The following ILDR1 variants were observed in gnomAD, a reference collection of about 807,000 sequenced individuals.
ILDR1 encodes the protein immunoglobulin like domain containing receptor 1.
Under a neutral mutation model 62.4 loss-of-function variants are expected in ILDR1, and 56 were observed. That is an observed-to-expected ratio of 0.90 (90% CI 0.72 to 1.12). The LOEUF is 1.12. Ranked by LOEUF, ILDR1 falls within the 50% of genes most tolerant of loss-of-function variation. The pLI, the probability that ILDR1 is intolerant of heterozygous loss-of-function variation, is 0.00. For synonymous variants in ILDR1, 284 were observed against 277.8 expected, an observed-to-expected ratio of 1.02 and a Z score of -0.22; for missense variants, 736 against 710.6, an observed-to-expected ratio of 1.04 and a Z score of -0.41.
chr3:122,042,171 G>GT, the ILDR1 span, among the ~76,000 whole-genome samples: 2 of 85,956 alleles, frequency 2.3e-5, no homozygotes, highest in Non-Finnish European at 4.5e-5. Context: ...GCGGTGTTTG[G>GT]TTTTTTGTTC....
the ILDR1 span, among the ~76,000 whole-genome samples, chr3:122,030,997 C>T: frequency 1.7e-4 from 26 of 152,342 alleles, no homozygotes; most frequent in African/African-American, 5.8e-4. Context: ...TCTATCTCAG[C>T]TTCTCTTTGC....
At chr3:122,017,322 TACAGGCGTGAGCC>T (rs887661005) in intron 1 of ILDR1, among the ~76,000 whole-genome samples, 4 of 151,926 alleles carry the variant, frequency 2.6e-5, no homozygotes, top group African/African-American at 9.7e-5. Flanking sequence ...GTGTTAGGAT[TACAGGCGTGAGCC>T]ACCGTGCCCG....
Position 122,005,333 on chromosome 3 carries a change from C to T in ILDR1, c.290G>A (p.Arg97Gln), listed in dbSNP as rs771818841. 1.2e-6 allele frequency: 2 copies of T among 1,614,110 alleles called. No homozygotes were observed. Among genetic ancestry groups the T allele is most frequent in the South Asian group, 2.2e-5 (2 of 91,078 alleles). ...CCGCTGGGCCACTATGCGAACTTCC[C>T]GCTGGTTGTCGTTGCAGTCATTGGA... ...DPSNDCNDNQ[R>Q]EVRIVAQRRG... Residue 97 changes from arginine to glutamine, a missense_variant, in exon 3 of 8, where the codon CGG (arginine) becomes CAG (glutamine). Transcript: ENST00000344209.
At chr3:122,044,558 TG>T in the ILDR1 span, among the ~76,000 whole-genome samples, 2 of 151,288 alleles carry the variant, frequency 1.3e-5, no homozygotes, top group African/African-American at 4.9e-5. Context: ...GGACTCTTTT[TG>T]GTTGGTAAAC....
At chr3:122,006,842 C>T in intron 2 of ILDR1, 149 bp downstream of exon 2, 4 of 791,224 alleles carry the variant, frequency 5.1e-6, no homozygotes, top group Non-Finnish European at 8.1e-6. Context: ...GTTTGTTTAT[C>T]TATAAAACAG....
chr3:122,055,579 G>C, the ILDR1 span: 1 of 1,312,796 alleles, frequency 7.6e-7, no homozygotes, highest in Non-Finnish European at 1.1e-6. Flanking sequence ...TGAAGATGGT[G>C]CTTTGATGTG....
the ILDR1 span, among the ~76,000 whole-genome samples, chr3:122,032,688 A>G: frequency 6.6e-6 from 1 of 152,232 alleles, no homozygotes; most frequent in Non-Finnish European, 1.5e-5. Flanking sequence ...AAAAGGTACT[A>G]TAGCTTCTTC....
rs993329383 is a variant in ILDR1, at chr3:121,988,391, A to G, written c.1617T>C (p.His539=). Residue 539 remains histidine (H), a synonymous_variant, in exon 8 of 8, where the codon CAT becomes CAC. Coordinates refer to ENST00000344209, the MANE Select transcript of ILDR1 (RefSeq NM_001199799.2). The stretch of plus-strand genomic sequence containing the variant: ...ACTAAATGACCACACTCCTTCCACT[A>G]TGAGAGCTGTCTTTCTCCTGGGAAA... ...VERRSEKDSS[H]SGRSVVI The G allele has an allele frequency of 1.2e-6, 2 of 1,613,810 alleles. No individual in the cohort carries two copies. The highest frequency in any genetic ancestry group is 1.7e-5 in the Admixed American group (1 of 60,006).
At chr3:122,000,085 T>A (rs777912178) in intron 5 of ILDR1, among the ~76,000 whole-genome samples, 2 of 151,892 alleles carry the variant, frequency 1.3e-5, no homozygotes, top group Non-Finnish European at 2.9e-5. Flanking sequence ...CTGTGACTTA[T>A]GTTTTTTCCC....
the ILDR1 span, among the ~76,000 whole-genome samples, chr3:122,038,205 C>T: frequency 2.6e-5 from 4 of 152,198 alleles, no homozygotes; most frequent in Admixed American, 2.0e-4. Context: ...ATCATAACCA[C>T]TCTAATAAAC....
chr3:122,048,562 T>A, the ILDR1 span, among the ~76,000 whole-genome samples: 4 of 152,230 alleles, frequency 2.6e-5, no homozygotes, highest in African/African-American at 7.2e-5. Flanking sequence ...CTTGAGCTTT[T>A]CTTTAATGGG....
chr3:122,053,737 TATG>T, the ILDR1 span, among the ~76,000 whole-genome samples: 1 of 152,204 alleles, frequency 6.6e-6, no homozygotes, highest in Non-Finnish European at 1.5e-5. Context: ...CTAAAAAGTT[TATG>T]ATAACAGGAG....
At chr3:122,011,654 TTCTCTCTCTCTC>T (rs142396206) in intron 1 of ILDR1, among the ~76,000 whole-genome samples, 2 of 67,630 alleles carry the variant, frequency 3.0e-5, no homozygotes, top group Admixed American at 3.0e-4. Context: ...CTGTCTCTCT[TTCTCTCTCTCTC>T]TCTCTCTCTT....
Position 122,005,323 on chromosome 3 carries a change from G to A in ILDR1, c.300C>T (p.Arg100=), listed in dbSNP as rs2071590861. The change falls in exon 3 of 8, where the codon CGC becomes CGT. Residue 100 remains arginine (R), a synonymous_variant. Transcript: ENST00000344209. ...NDCNDNQREV[R]IVAQRRGQNE... The stretch of plus-strand genomic sequence containing the variant: ...TCTGCCCCCGCCGCTGGGCCACTAT[G>A]CGAACTTCCCGCTGGTTGTCGTTGC... The A allele has an allele frequency of 6.2e-7, 1 of 1,613,850 alleles. No individual in the cohort carries two copies. Among genetic ancestry groups the A allele is most frequent in the South Asian group, 1.1e-5 (1 of 91,058 alleles).
At chr3:122,008,371 C>T (rs1168404346) in intron 1 of ILDR1, among the ~76,000 whole-genome samples, 2 of 150,948 alleles carry the variant, frequency 1.3e-5, no homozygotes, top group African/African-American at 5.0e-5. Context: ...CACCTTGGAA[C>T]ATTCCTATGT....
At chr3:122,022,621 A>G, upstream of ILDR1, among the ~76,000 whole-genome samples, 1 of 152,230 alleles carries the variant, frequency 6.6e-6, no homozygotes, top group East Asian at 1.9e-4. Flanking sequence ...CTAGGAAATA[A>G]AGATTCGTAT....
chr3:122,025,666 T>C (rs910979281), upstream of ILDR1, among the ~76,000 whole-genome samples: 1 of 152,230 alleles, frequency 6.6e-6, no homozygotes, highest in African/African-American at 2.4e-5. Context: ...TATGTGCATC[T>C]GTGTTAGAAT....
In ILDR1 at chr3:122,005,395, TGAG is replaced by T. The variant is rs2071592762; in HGVS notation, c.230-5_230-3del. 6.2e-7 allele frequency: 1 copy of T among 1,614,136 alleles called. No individual in the cohort carries two copies. The highest frequency in any genetic ancestry group is 1.7e-5 in the Admixed American group (1 of 60,020). On this transcript the variant is annotated splice_region_variant and splice_polypyrimidine_tract_variant and intron_variant, in intron 2 of 7. Transcript: ENST00000344209. Reference sequence around the variant, plus strand: ...CCAGGGATAAAGCTGCCTGGTATGCTGAGGAGAGAGGGCACACTAGAGTCACAC... The same window carrying T: ...CCAGGGATAAAGCTGCCTGGTATGCTGAGAGAGGGCACACTAGAGTCACAC...
chr3:121,995,296 C>G (rs777306790), intron 5 of ILDR1, among the ~76,000 whole-genome samples: 1 of 152,134 alleles, frequency 6.6e-6, no homozygotes, highest in African/African-American at 2.4e-5. Flanking sequence ...TCAGTGTGAA[C>G]GAGGTTAGGC....
Sources: allele counts gnomAD v4.1 joint callset (sites outside exome capture counted in the v4.1 genomes callset), GRCh38; gene constraint gnomAD v4.1.1; transcripts MANE v1.5; gene names NCBI Gene and HGNC (gene_info 2026-07-23, HGNC 2026-07-21).